The following BACH2 variants were observed in gnomAD, a reference collection of about 807,000 sequenced individuals.
BACH2 encodes the protein transcription regulator protein BACH2.
BACH2 carries 5 observed loss-of-function variants against 61.8 expected under a neutral mutation model. The ratio of observed to expected loss-of-function variants is 0.08; its 90% CI spans 0.04 to 0.17. BACH2 has a LOEUF of 0.17. Ranked by LOEUF, BACH2 falls within the 10% of genes least tolerant of loss-of-function variation. The probability of loss-of-function intolerance (pLI) is 1.00; values close to 1 mark genes in which losing one functional copy is unlikely to be tolerated. For missense variants in BACH2, 824 were observed against 1,091.1 expected, an observed-to-expected ratio of 0.76 and a Z score of 3.45; for synonymous variants, 446 against 440.1, an observed-to-expected ratio of 1.01 and a Z score of -0.17.
At chr6:90,069,912 G>A (rs1781145329) in intron 5 of BACH2, among the ~76,000 whole-genome samples, 1 of 152,116 alleles carries the variant, frequency 6.6e-6, no homozygotes, top group Non-Finnish European at 1.5e-5. Context: ...CAGGTCTGGG[G>A]GCAGGTAAAA....
intron 5 of BACH2, among the ~76,000 whole-genome samples, chr6:90,046,056 C>G (rs1435479122): frequency 1.3e-5 from 2 of 151,328 alleles, no homozygotes; most frequent in Non-Finnish European, 2.9e-5. Flanking sequence ...AAATAAAGAC[C>G]CCAAAATGAA....
At chr6:90,056,979 A>G (rs929038774) in intron 5 of BACH2, among the ~76,000 whole-genome samples, 5 of 152,256 alleles carry the variant, frequency 3.3e-5, no homozygotes, top group Non-Finnish European at 7.3e-5. Flanking sequence ...AGCAGTGTGT[A>G]GAGGGAAATT....
chr6:90,208,675 C>G (rs1044854777), intron 3 of BACH2, among the ~76,000 whole-genome samples: 2 of 152,128 alleles, frequency 1.3e-5, no homozygotes, highest in African/African-American at 4.8e-5. Flanking sequence ...ACTAGAAATA[C>G]CATTTGACTC....
intron 7 of BACH2, among the ~76,000 whole-genome samples, chr6:89,943,153 G>A (rs1186609160): frequency 6.6e-6 from 1 of 152,144 alleles, no homozygotes; most frequent in Non-Finnish European, 1.5e-5. Flanking sequence ...GATAGTCCCT[G>A]CAGTGTGTCC....
intron 6 of BACH2, among the ~76,000 whole-genome samples, chr6:89,997,048 C>T (rs915917726): frequency 9.2e-5 from 14 of 151,624 alleles, no homozygotes; most frequent in African/African-American, 2.9e-4. Context: ...CTCCTCTGAA[C>T]GTAATTCTGT....
intron 2 of BACH2, among the ~76,000 whole-genome samples, chr6:90,258,705 A>C (rs1004318226): frequency 2.6e-5 from 4 of 152,100 alleles, no homozygotes; most frequent in African/African-American, 9.7e-5. Flanking sequence ...AGCATGTGAT[A>C]TCTTTCCATT....
chr6:90,002,264 C>T (rs1287126253), intron 6 of BACH2, among the ~76,000 whole-genome samples: 1 of 152,190 alleles, frequency 6.6e-6, no homozygotes, highest in African/African-American at 2.4e-5. Context: ...CGAGAAAGCT[C>T]CAAGGCTCAA....
At chr6:90,274,502 G>A (rs1019871266) in intron 1 of BACH2, among the ~76,000 whole-genome samples, 3 of 152,144 alleles carry the variant, frequency 2.0e-5, no homozygotes, top group Non-Finnish European at 2.9e-5. Flanking sequence ...TGCCACTCGG[G>A]TTCATGCAGT....
chr6:90,246,631 G>A (rs1770647864), intron 3 of BACH2, among the ~76,000 whole-genome samples: 1 of 151,834 alleles, frequency 6.6e-6, no homozygotes, highest in Non-Finnish European at 1.5e-5. Flanking sequence ...CCCAATTCAA[G>A]AAAAATGAGT....
chr6:90,295,501 G>A (rs925298643), intron 1 of BACH2, among the ~76,000 whole-genome samples: 7 of 152,070 alleles, frequency 4.6e-5, no homozygotes, highest in Non-Finnish European at 1.0e-4. Flanking sequence ...GCCCGCCGCC[G>A]TCTCCAGCGG....
At chr6:90,283,921 C>G (rs1771937383) in intron 1 of BACH2, among the ~76,000 whole-genome samples, 1 of 151,946 alleles carries the variant, frequency 6.6e-6, no homozygotes, top group South Asian at 2.1e-4. Flanking sequence ...CCAGGAGGAT[C>G]ACTTGAACCT....
At chr6:89,969,538 G>A (rs1015770012) in intron 6 of BACH2, among the ~76,000 whole-genome samples, 4 of 152,134 alleles carry the variant, frequency 2.6e-5, no homozygotes, top group Non-Finnish European at 5.9e-5. Flanking sequence ...AGCAGGTGGG[G>A]GACAGAGAGC....
At chr6:90,014,821 C>T (rs1223662871) in intron 5 of BACH2, among the ~76,000 whole-genome samples, 5 of 151,900 alleles carry the variant, frequency 3.3e-5, no homozygotes, top group Admixed American at 3.3e-4. Flanking sequence ...CTTTGTTGCC[C>T]TGGCTGGAGT....
chr6:90,184,866 T>C (rs1768297636), intron 4 of BACH2, among the ~76,000 whole-genome samples: 3 of 152,216 alleles, frequency 2.0e-5, no homozygotes, highest in Admixed American at 2.0e-4. Context: ...AAGTAACCTC[T>C]CACAATACTT....
chr6:90,156,201 C>G (rs1490667302), intron 4 of BACH2, among the ~76,000 whole-genome samples: 1 of 151,902 alleles, frequency 6.6e-6, no homozygotes, highest in Non-Finnish European at 1.5e-5. Flanking sequence ...GTAAAAAAAA[C>G]GCTTCACAAG....
intron 4 of BACH2, among the ~76,000 whole-genome samples, chr6:90,119,640 T>C (rs534973316): frequency 1.3e-3 from 204 of 152,294 alleles, no homozygotes; most frequent in Non-Finnish European, 2.3e-3. Context: ...AAAATCAGAA[T>C]TTAATATTAC....
intron 4 of BACH2, among the ~76,000 whole-genome samples, chr6:90,114,619 C>A (rs573293636): frequency 6.6e-6 from 1 of 152,190 alleles, no homozygotes; most frequent in Non-Finnish European, 1.5e-5. Flanking sequence ...GACAAGGGTG[C>A]CCTCTCTCAC....
At chr6:90,287,350 T>G (rs752880806) in intron 1 of BACH2, among the ~76,000 whole-genome samples, 1 of 151,968 alleles carries the variant, frequency 6.6e-6, no homozygotes, top group Non-Finnish European at 1.5e-5. Context: ...GCAACTGGGG[T>G]GGGGAGGTAA....
At chr6:90,198,127 T>C (rs1768823767) in intron 4 of BACH2, among the ~76,000 whole-genome samples, 1 of 152,216 alleles carries the variant, frequency 6.6e-6, no homozygotes, top group South Asian at 2.1e-4. Flanking sequence ...TGTGTGCTCA[T>C]GCTTGACTCG....
Sources: allele counts gnomAD v4.1 joint callset (sites outside exome capture counted in the v4.1 genomes callset), GRCh38; gene constraint gnomAD v4.1.1; transcripts MANE v1.5; gene names NCBI Gene and HGNC (gene_info 2026-07-23, HGNC 2026-07-21).